Variants in IFT81 observed in about 807,000 individuals in gnomAD.
IFT81 encodes intraflagellar transport protein 81 homolog.
IFT81 carries 72 observed loss-of-function variants against 102.6 expected under a neutral mutation model. The observed-to-expected ratio is 0.70, with a 90% CI of 0.58 to 0.85. The LOEUF (loss-of-function observed/expected upper bound fraction) is 0.85, where lower values mean the gene tolerates loss of function less well. Ranked by LOEUF, IFT81 falls within the 40% of genes least tolerant of loss-of-function variation. IFT81 has a pLI of 0.00. For missense variants in IFT81, 723 were observed against 787.3 expected (o/e 0.92, Z 0.98); for synonymous variants, 237 against 242.7 (o/e 0.98, Z 0.22).
intron 12 of IFT81, among the ~76,000 whole-genome samples, chr12:110,189,635 C>T (rs1379889050): frequency 1.3e-5 from 2 of 152,218 alleles, no homozygotes; most frequent in Non-Finnish European, 2.9e-5. Context: ...AGGCGCGAGC[C>T]ACCACACCTG....
intron 10 of IFT81, among the ~76,000 whole-genome samples, chr12:110,159,296 T>A (rs1896013557): frequency 6.6e-6 from 1 of 152,082 alleles, no homozygotes. Context: ...AGGTCTCTAC[T>A]AAAAACACAG....
At chr12:110,178,278 G>A (rs943055305) in intron 11 of IFT81, among the ~76,000 whole-genome samples, 1 of 151,988 alleles carries the variant, frequency 6.6e-6, no homozygotes, top group East Asian at 1.9e-4. Flanking sequence ...GCCTGGCATG[G>A]TAGCAGGCAC....
intron 10 of IFT81, among the ~76,000 whole-genome samples, chr12:110,158,478 C>G (rs1284962360): frequency 4.6e-5 from 7 of 152,116 alleles, no homozygotes; most frequent in Admixed American, 2.0e-4. Flanking sequence ...TTAAGGGATC[C>G]TTCTGCCTTA....
intron 11 of IFT81, among the ~76,000 whole-genome samples, 168 bp from the exon 12 acceptor site, chr12:110,180,247 TTATATAA>T (rs1243196364): frequency 1.4e-5 from 2 of 146,942 alleles, no homozygotes; most frequent in Non-Finnish European, 3.0e-5. Flanking sequence ...TATTAAGTTA[TTATATAA>T]TATATAATTA....
In IFT81 at chr12:110,218,385, G is replaced by T; in HGVS notation, c.*159G>T. On this transcript the variant is annotated 3_prime_UTR_variant, in exon 19 of 19. Coordinates refer to ENST00000242591, the MANE Select transcript of IFT81 (RefSeq NM_014055.4). Reference sequence around the variant, plus strand: ...AGAAAATAATGTTAAGGTAGATTTAGTTTGAATGTTTTTTCATATGAAAAA... The same window carrying T: ...AGAAAATAATGTTAAGGTAGATTTATTTTGAATGTTTTTTCATATGAAAAA... 4.0e-6 allele frequency: 2 copies of T among 504,326 alleles called. No homozygotes were observed. Among genetic ancestry groups the T allele is most frequent in the Non-Finnish European group, 6.7e-6 (2 of 300,438 alleles). The allele number at this position is 504,326 out of a possible 1,614,324, so 31.2% of individuals were successfully genotyped here. A position where few individuals can be genotyped will look rare whatever the true frequency, so the allele number is the denominator to read the frequency against.
intron 14 of IFT81, among the ~76,000 whole-genome samples, chr12:110,196,095 GAA>G (rs1897989478): frequency 3.3e-5 from 5 of 152,184 alleles, no homozygotes; most frequent in Admixed American, 3.3e-4. Flanking sequence ...TTTTTCAGAT[GAA>G]AAGAGTTATG....
chr12:110,145,028 ATTTTTTTTT>A (rs753990394), intron 9 of IFT81, among the ~76,000 whole-genome samples: 1 of 111,036 alleles, frequency 9.0e-6, no homozygotes, highest in Middle Eastern at 4.1e-3. Context: ...ACTATGCCTA[ATTTTTTTTT>A]TTTTTTTTTT....
chr12:110,193,887 C>G (rs1412534779), intron 14 of IFT81, among the ~76,000 whole-genome samples: 1 of 152,018 alleles, frequency 6.6e-6, no homozygotes, highest in African/African-American at 2.4e-5. Context: ...TAAGTAATTT[C>G]TAAAGAAAAA....
At chr12:110,207,181 C>T (rs1325092195) in intron 17 of IFT81, among the ~76,000 whole-genome samples, 1 of 152,104 alleles carries the variant, frequency 6.6e-6, no homozygotes, top group African/African-American at 2.4e-5. Context: ...CAGGCACACG[C>T]CACTGTGTTT....
At position 110,129,850 on chromosome 12, in the gene IFT81, T is replaced by A. The variant is rs553832996; in HGVS notation, c.429+720T>A. Among the ~76,000 whole-genome samples the A allele has an allele frequency of 2.0e-3, 298 of 151,596 alleles. 3 individuals carry two copies. In the South Asian group the frequency reaches 0.021, roughly 11 times the overall value. On this transcript the variant is annotated intron_variant, in intron 4 of 18. Coordinates refer to ENST00000242591, the MANE Select transcript of IFT81 (RefSeq NM_014055.4). Reference sequence around the variant, plus strand: ...AAGGACTTTGATTTTTTTTTTTTTTTAAAAAGTGCTTCTGTTTAGTGTTTC... The same window carrying A: ...AAGGACTTTGATTTTTTTTTTTTTTAAAAAAGTGCTTCTGTTTAGTGTTTC...
chr12:110,167,680 TG>T (rs1379005153), intron 11 of IFT81, among the ~76,000 whole-genome samples: 6 of 152,150 alleles, frequency 3.9e-5, no homozygotes, highest in African/African-American at 1.4e-4. Context: ...CATGGAGATT[TG>T]CCCTTTATCC....
chr12:110,145,489 A>T (rs1895169233), intron 9 of IFT81, among the ~76,000 whole-genome samples: 2 of 145,182 alleles, frequency 1.4e-5, no homozygotes, highest in African/African-American at 2.6e-5. Context: ...CCCAGGCTGG[A>T]GTACAGTGGC....
At chr12:110,145,222 A>T (rs538146549) in intron 9 of IFT81, among the ~76,000 whole-genome samples, 8 of 151,430 alleles carry the variant, frequency 5.3e-5, no homozygotes, top group Non-Finnish European at 1.2e-4. Flanking sequence ...TTGTACAGAC[A>T]GGGTCTGGCC....
At chr12:110,187,205 T>G (rs1490477734) in intron 12 of IFT81, among the ~76,000 whole-genome samples, 1 of 152,330 alleles carries the variant, frequency 6.6e-6, no homozygotes, top group East Asian at 1.9e-4. Flanking sequence ...TATATTAATC[T>G]CAGCTATTTT....
At chr12:110,135,114 C>G in intron 6 of IFT81, 101 bp downstream of exon 6, 3 of 912,778 alleles carry the variant, frequency 3.3e-6, no homozygotes, top group Non-Finnish European at 5.2e-6. Flanking sequence ...GAGTGTACAT[C>G]TGAGGATGGA....
At chr12:110,168,334 C>G (rs548068210) in intron 11 of IFT81, 2 of 170,590 alleles carry the variant, frequency 1.2e-5, no homozygotes, top group Admixed American at 1.3e-4. Context: ...AATAGTCAAC[C>G]TGAAACACAT....
intron 7 of IFT81, among the ~76,000 whole-genome samples, chr12:110,136,077 G>A (rs1894490981): frequency 6.6e-6 from 1 of 151,902 alleles, no homozygotes; most frequent in South Asian, 2.1e-4. Flanking sequence ...TAGATTCCAG[G>A]GCTATGAGAC....
In IFT81 at chr12:110,183,006, A is replaced by C. The variant is rs1393354116; in HGVS notation, c.1338+2435A>C. The stretch of plus-strand genomic sequence containing the variant: ...TAGAACTCATTTTCATAGGCCATCC[A>C]GTTCCAACTGGGGCCTTACGTTTAA... On this transcript the variant is annotated intron_variant, in intron 12 of 18. Coordinates refer to ENST00000242591, the MANE Select transcript of IFT81 (RefSeq NM_014055.4). Among the ~76,000 whole-genome samples the C allele has an allele frequency of 2.0e-5, 3 of 152,226 alleles. No homozygotes were observed. The East Asian group carries it at 5.8e-4, about 29-fold the overall frequency.
intron 12 of IFT81, among the ~76,000 whole-genome samples, chr12:110,188,662 C>A (rs1215363379): frequency 1.3e-5 from 2 of 151,600 alleles, no homozygotes; most frequent in Non-Finnish European, 2.9e-5. Context: ...CGGTGGCTCA[C>A]GCCTGTAATC....
Sources: allele counts gnomAD v4.1 joint callset (sites outside exome capture counted in the v4.1 genomes callset), GRCh38; gene constraint gnomAD v4.1.1; transcripts MANE v1.5; gene names NCBI Gene and HGNC (gene_info 2026-07-23, HGNC 2026-07-21).